Variants in SPIDR observed in about 807,000 individuals in gnomAD.
The protein encoded by SPIDR is DNA repair-scaffolding protein.
Under a neutral mutation model 104.6 loss-of-function variants are expected in SPIDR, and 93 were observed. That is an observed-to-expected ratio of 0.89 (90% confidence interval 0.75 to 1.06). SPIDR has a LOEUF of 1.06. Among genes scored for constraint, SPIDR ranks in the 50% least tolerant of loss-of-function variants. The probability of loss-of-function intolerance (pLI) is 0.00; values close to 1 mark genes in which losing one functional copy is unlikely to be tolerated. For synonymous variants in SPIDR, 431 were observed against 416.9 expected (o/e 1.03, Z -0.41); for missense variants, 1,154 against 1,111.2 (o/e 1.04, Z -0.55).
chr8:47,729,232 C>A, intron 18 of SPIDR, 180 bp from the exon 19 acceptor site: 1 of 1,445,570 alleles, frequency 6.9e-7, no homozygotes, highest in Non-Finnish European at 9.3e-7. Context: ...TGGGAGGATG[C>A]ACCCTATGTG....
intron 7 of SPIDR, among the ~76,000 whole-genome samples, chr8:47,408,544 AC>A (rs2063068734): frequency 6.6e-6 from 1 of 152,132 alleles, no homozygotes; most frequent in Non-Finnish European, 1.5e-5. Flanking sequence ...TTTGACAAAT[AC>A]CTCTCTATTG....
intron 10 of SPIDR, chr8:47,654,084 C>T (rs2072221118): frequency 1.6e-6 from 2 of 1,289,650 alleles, no homozygotes; most frequent in African/African-American, 1.5e-5. Context: ...TCTTCTTAGG[C>T]CCCACCATGT....
At chr8:47,456,073 G>T (rs1666584339) in intron 8 of SPIDR, among the ~76,000 whole-genome samples, 1 of 152,066 alleles carries the variant, frequency 6.6e-6, no homozygotes, top group South Asian at 2.1e-4. Context: ...ACATTGTCTG[G>T]GTTAGACCAT....
chr8:47,629,550 C>T (rs1284363638), intron 10 of SPIDR, among the ~76,000 whole-genome samples: 1 of 152,136 alleles, frequency 6.6e-6, no homozygotes, highest in African/African-American at 2.4e-5. Context: ...GTCAGGAGTT[C>T]GAGACCAGCC....
rs369487272 is a variant in SPIDR at position 47,595,793 on chromosome 8, T to C, written c.1098-18T>C. 2.7e-5 allele frequency: 44 copies of C among 1,611,210 alleles called. 1 individual carries two copies. The South Asian group carries it at 3.7e-4, about 14-fold the overall frequency. On this transcript the variant is annotated intron_variant, in intron 8 of 19. Transcript: ENST00000297423. The stretch of plus-strand genomic sequence containing the variant: ...CCAATATTGCAAAGAAACTGTTGCA[T>C]GTCTTTCTCTTTTCCAGGCAAAAAC...
chr8:47,281,510 A>G (rs1201026840), intron 2 of SPIDR, among the ~76,000 whole-genome samples: 4 of 152,240 alleles, frequency 2.6e-5, no homozygotes, highest in African/African-American at 9.6e-5. Flanking sequence ...TATCACTTCA[A>G]CAATGTTCAC....
intron 10 of SPIDR, 147 bp from the exon 11 acceptor site, chr8:47,673,654 C>A (rs1355347099): frequency 9.4e-7 from 1 of 1,066,016 alleles, no homozygotes. Flanking sequence ...TTTTTTTTTC[C>A]CCCCTTGGTT....
chr8:47,348,461 G>A (rs1323053256), intron 5 of SPIDR, among the ~76,000 whole-genome samples: 3 of 152,072 alleles, frequency 2.0e-5, no homozygotes, highest in Non-Finnish European at 2.9e-5. Context: ...TCTTTGTGTC[G>A]TTCTCTGTAT....
At chr8:47,529,255 A>G (rs2085522262) in intron 8 of SPIDR, among the ~76,000 whole-genome samples, 1 of 151,942 alleles carries the variant, frequency 6.6e-6, no homozygotes, top group East Asian at 1.9e-4. Flanking sequence ...CATCTCTACT[A>G]AAAATACAAA....
intron 5 of SPIDR, among the ~76,000 whole-genome samples, chr8:47,367,521 A>G (rs1344366976): frequency 1.3e-5 from 2 of 152,246 alleles, no homozygotes; most frequent in Admixed American, 6.5e-5. Context: ...TTACACAGCA[A>G]TAGGAAACTA....
rs868802580 is a variant in SPIDR, at chr8:47,708,924, C to G, written c.1978-3738C>G. Among the ~76,000 whole-genome samples the G allele has an allele frequency of 1.9e-4, 29 of 151,712 alleles. 1 individual carries two copies. Among genetic ancestry groups the G allele is most frequent in the African/African-American group, 6.5e-4 (27 of 41,358 alleles). ...TTCAGTTTAGTTATTCATTCACATA[C>G]TGAAGGACATCTTGGTTGTTTCCAG... On this transcript the variant is annotated intron_variant, in intron 14 of 19. Coordinates refer to ENST00000297423, the MANE Select transcript of SPIDR (RefSeq NM_001080394.4).
At position 47,440,437 on chromosome 8, in the gene SPIDR, G is replaced by A. The variant is rs782034868; in HGVS notation, c.992G>A (p.Ser331Asn). ...LGSPATSSSQ[S>N]VAPRPGAGLK... is the part of the protein sequence containing the mutation. ...TCACCAGCCACCAGCTCCTCCCAAAGTGTGGCTCCCAGGCCTGGAGCTGGC... is the reference window on the plus strand; with the variant it reads ...TCACCAGCCACCAGCTCCTCCCAAAATGTGGCTCCCAGGCCTGGAGCTGGC... Residue 331 changes from serine to asparagine, a missense_variant, in exon 8 of 20, where the codon AGT becomes AAT. Transcript: ENST00000297423. 1.2e-4 allele frequency: 201 copies of A among 1,614,116 alleles called. No individual in the cohort carries two copies. Among genetic ancestry groups the A allele is most frequent in the Non-Finnish European group, 1.7e-4 (195 of 1,180,054 alleles).
At chr8:47,670,691 T>C (rs1284981449) in intron 10 of SPIDR, among the ~76,000 whole-genome samples, 1 of 152,194 alleles carries the variant, frequency 6.6e-6, no homozygotes, top group African/African-American at 2.4e-5. Context: ...TAGAGTGATA[T>C]GAGGACTTGG....
intron 5 of SPIDR, chr8:47,357,790 G>A (rs2054854641): frequency 2.2e-6 from 2 of 905,938 alleles, no homozygotes; most frequent in African/African-American, 3.6e-5. Context: ...AAAAATTAGG[G>A]AAGGAAATGG....
At chr8:47,294,107 T>G in intron 5 of SPIDR, 77 bp downstream of exon 5, 1 of 1,533,426 alleles carries the variant, frequency 6.5e-7, no homozygotes, top group Non-Finnish European at 8.7e-7. Context: ...TTTTTTTGTT[T>G]TTTTTTTCCT....
intron 3 of SPIDR, among the ~76,000 whole-genome samples, chr8:47,287,776 A>C (rs1203988496): frequency 1.3e-5 from 2 of 152,186 alleles, no homozygotes; most frequent in African/African-American, 4.8e-5. Context: ...CACTGATTTC[A>C]TATTGTTCAA....
chr8:47,517,764 T>A (rs752159839), intron 8 of SPIDR, among the ~76,000 whole-genome samples: 1 of 152,242 alleles, frequency 6.6e-6, no homozygotes, highest in Non-Finnish European at 1.5e-5. Context: ...TTTTCGTGGT[T>A]TCATTATTCG....
At chr8:47,586,214 A>C (rs2060232509) in intron 8 of SPIDR, among the ~76,000 whole-genome samples, 1 of 152,204 alleles carries the variant, frequency 6.6e-6, no homozygotes, top group South Asian at 2.1e-4. Flanking sequence ...TCTTCATATG[A>C]ACATAAGTTT....
intron 8 of SPIDR, among the ~76,000 whole-genome samples, chr8:47,530,018 C>G (rs1427957814): frequency 2.0e-5 from 3 of 152,156 alleles, no homozygotes; most frequent in African/African-American, 7.2e-5. Context: ...CATCATTATG[C>G]AGACATCATA....
Sources: gnomAD v4.1 joint callset for allele counts (sites outside exome capture counted in the v4.1 genomes callset) on GRCh38, gnomAD v4.1.1 for gene constraint, MANE v1.5 for transcripts, NCBI Gene and HGNC (gene_info 2026-07-23, HGNC 2026-07-21) for gene names.